Variants in LMNTD1 observed in about 807,000 individuals in gnomAD.
LMNTD1 encodes lamin tail domain-containing protein 1.
A neutral mutation model predicts 50.9 loss-of-function variants in LMNTD1; 35 were observed. That is an observed-to-expected ratio of 0.69 (90% CI 0.53 to 0.91). The LOEUF (loss-of-function observed/expected upper bound fraction) is 0.91, where lower values mean the gene tolerates loss of function less well. LMNTD1 is among the 40% of genes least tolerant of loss of function. The pLI is 0.00. For missense variants in LMNTD1, 470 were observed against 475.5 expected, an observed-to-expected ratio of 0.99 and a Z score of 0.11; for synonymous variants, 153 against 161.9, an observed-to-expected ratio of 0.94 and a Z score of 0.42.
At chr12:25,584,916 TATC>T (rs553497242) in intron 1 of LMNTD1, among the ~76,000 whole-genome samples, 264 of 152,366 alleles carry the variant, frequency 1.7e-3, no homozygotes, top group Middle Eastern at 3.4e-3. Flanking sequence ...ATTTTATTTA[TATC>T]ATATTTTCAA....
chr12:25,513,817 T>TAAC (rs1403388924), intron 8 of LMNTD1, among the ~76,000 whole-genome samples: 2 of 152,056 alleles, frequency 1.3e-5, no homozygotes, highest in Non-Finnish European at 2.9e-5. Context: ...GCAACAATAA[T>TAAC]AACAAATCAA....
intron 1 of LMNTD1, among the ~76,000 whole-genome samples, chr12:25,630,028 G>A (rs1181196677): frequency 2.0e-5 from 3 of 152,142 alleles, no homozygotes; most frequent in Non-Finnish European, 4.4e-5. Context: ...GGATATCAGG[G>A]AAATAAGCAG....
intron 1 of LMNTD1, among the ~76,000 whole-genome samples, chr12:25,624,995 A>G (rs558331076): frequency 4.0e-5 from 6 of 150,534 alleles, no homozygotes; most frequent in African/African-American, 1.5e-4. Flanking sequence ...AATAATCACA[A>G]TAGAGCTACC....
intron 1 of LMNTD1, among the ~76,000 whole-genome samples, chr12:25,572,490 T>C (rs1042177411): frequency 6.6e-6 from 1 of 152,324 alleles, no homozygotes; most frequent in East Asian, 1.9e-4. Context: ...ATCATTTTCA[T>C]AGTGTCACTA....
chr12:25,644,352 G>A (rs11837545), intron 1 of LMNTD1, among the ~76,000 whole-genome samples: 2,690 of 151,354 alleles, frequency 0.018, 79 homozygotes, highest in African/African-American at 0.061. Flanking sequence ...AAGCATGGTG[G>A]CATGTGCCTG....
intron 1 of LMNTD1, among the ~76,000 whole-genome samples, chr12:25,570,968 A>G (rs1194956291): frequency 6.6e-6 from 1 of 152,198 alleles, no homozygotes; most frequent in Admixed American, 6.5e-5. Flanking sequence ...GCCTTAACAA[A>G]TCATGTTTAA....
chr12:25,477,157 T>C (rs919062933), intron 9 of LMNTD1, among the ~76,000 whole-genome samples: 8 of 152,314 alleles, frequency 5.3e-5, no homozygotes, highest in Non-Finnish European at 7.4e-5. Flanking sequence ...AGCTTTTCTA[T>C]GGAGAACTAT....
chr12:25,622,467 G>GCCCCCCC (rs796827249), intron 1 of LMNTD1, among the ~76,000 whole-genome samples: 20 of 92,832 alleles, frequency 2.2e-4, no homozygotes, highest in African/African-American at 2.7e-4. Flanking sequence ...TTGTGAGCCC[G>GCCCCCCC]CCCCCCCCCG....
intron 1 of LMNTD1, among the ~76,000 whole-genome samples, chr12:25,575,658 A>G (rs1565494172): frequency 6.6e-6 from 1 of 150,568 alleles, no homozygotes; most frequent in Non-Finnish European, 1.5e-5. Context: ...TTTTCCAGGA[A>G]CAAGGGAGGC....
At chr12:25,609,224 A>C (rs1946189044) in intron 1 of LMNTD1, among the ~76,000 whole-genome samples, 1 of 152,180 alleles carries the variant, frequency 6.6e-6, no homozygotes, top group Non-Finnish European at 1.5e-5. Flanking sequence ...CCATTCATCC[A>C]ATCTTTTTTC....
intron 8 of LMNTD1, among the ~76,000 whole-genome samples, chr12:25,514,263 T>TG (rs1156313399): frequency 6.6e-6 from 1 of 152,092 alleles, no homozygotes; most frequent in East Asian, 1.9e-4. Context: ...AGTGTGCACG[T>TG]GATGGACACA....
intron 9 of LMNTD1, 54 bp from the exon 10 acceptor site, chr12:25,476,514 T>A (rs1316675690): frequency 1.3e-5 from 2 of 152,246 alleles, no homozygotes; most frequent in African/African-American, 4.8e-5. Flanking sequence ...TGTGTCAGAC[T>A]ATGCTAAATT....
chr12:25,563,497 C>T (rs1944422101), intron 1 of LMNTD1, among the ~76,000 whole-genome samples: 1 of 152,192 alleles, frequency 6.6e-6, no homozygotes, highest in African/African-American at 2.4e-5. Flanking sequence ...CCTGATCCTT[C>T]CTCTGGAAGC....
upstream of LMNTD1, among the ~76,000 whole-genome samples, chr12:25,556,182 G>T (rs772613998): frequency 1.3e-5 from 2 of 151,906 alleles, no homozygotes; most frequent in Non-Finnish European, 2.9e-5. Flanking sequence ...CATGTTGGCC[G>T]GGCTGGTCTT....
upstream of LMNTD1, among the ~76,000 whole-genome samples, chr12:25,557,525 C>T (rs2136285740): frequency 6.6e-6 from 1 of 152,262 alleles, no homozygotes. Flanking sequence ...AGTCTGTCTG[C>T]AAATCTTTTC....
chr12:25,636,890 A>G (rs1946846831), intron 1 of LMNTD1, among the ~76,000 whole-genome samples: 1 of 152,124 alleles, frequency 6.6e-6, no homozygotes, highest in Non-Finnish European at 1.5e-5. Context: ...ACTCAGGAAT[A>G]GAAAACCAAA....
intron 9 of LMNTD1, among the ~76,000 whole-genome samples, chr12:25,479,579 A>G (rs1938377267): frequency 6.6e-6 from 1 of 152,218 alleles, no homozygotes; most frequent in African/African-American, 2.4e-5. Flanking sequence ...TTCCATGAGC[A>G]TGAGCCCACT....
chr12:25,529,037 G>A (rs1015406614), intron 4 of LMNTD1, among the ~76,000 whole-genome samples: 19 of 152,090 alleles, frequency 1.2e-4, no homozygotes, highest in Admixed American at 1.2e-3. Flanking sequence ...GATGACCAAT[G>A]CCCTTCACAA....
chr12:25,642,694 T>C (rs931968069), intron 1 of LMNTD1, among the ~76,000 whole-genome samples: 4 of 152,354 alleles, frequency 2.6e-5, no homozygotes, highest in South Asian at 2.1e-4. Context: ...TTCAATCTTT[T>C]AAAATCTTTT....
Sources: allele counts gnomAD v4.1 joint callset (sites outside exome capture counted in the v4.1 genomes callset), GRCh38; gene constraint gnomAD v4.1.1; transcripts MANE v1.5; gene names NCBI Gene and HGNC (gene_info 2026-07-23, HGNC 2026-07-21).